Variants in DPYD observed in about 807,000 individuals in gnomAD.
DPYD encodes the protein dihydropyrimidine dehydrogenase.
Under a neutral mutation model 116.2 loss-of-function variants are expected in DPYD, and 109 were observed. The observed-to-expected ratio is 0.94, with a 90% CI of 0.80 to 1.10. The LOEUF (loss-of-function observed/expected upper bound fraction) is 1.10. Among genes scored for constraint, DPYD ranks in the 50% least tolerant of loss-of-function variants. The pLI, the probability that DPYD is intolerant of heterozygous loss-of-function variation, is 0.00. For missense variants in DPYD, 1,302 were observed against 1,254.5 expected (o/e 1.04, Z -0.57); for synonymous variants, 440 against 432.0 (o/e 1.02, Z -0.23).
At chr1:97,234,177 A>G (rs1281824850) in intron 19 of DPYD, among the ~76,000 whole-genome samples, 3 of 152,202 alleles carry the variant, frequency 2.0e-5, no homozygotes, top group African/African-American at 7.2e-5. Context: ...CAAAACCTGA[A>G]TGAGAAATTC....
At chr1:97,724,391 A>G (rs1663117888) in intron 4 of DPYD, among the ~76,000 whole-genome samples, 1 of 150,456 alleles carries the variant, frequency 6.6e-6, no homozygotes, top group African/African-American at 2.4e-5. Context: ...GGAAACTGGT[A>G]CACAATTAAG....
Position 97,098,600 on chromosome 1 carries a change from C to G in DPYD, c.2655G>C (p.Gln885His), listed in dbSNP as rs1239548224. 6.2e-7 allele frequency: 1 copy of G among 1,612,996 alleles called. No homozygotes were observed. Among genetic ancestry groups the G allele is most frequent in the Non-Finnish European group, 8.5e-7 (1 of 1,179,422 alleles). Residue 885 changes from glutamine (Q) to histidine (H), a missense_variant, in exon 21 of 23, where the codon CAG (glutamine) becomes CAC (histidine). Gln to His is a conservative substitution (Grantham distance 24). Coordinates refer to ENST00000370192, the MANE Select transcript of DPYD (RefSeq NM_000110.4). ...KLPSFGPYLE[Q>H]RKKIIAENKI... ...TGTTTTCTGCTATGATTTTCTTGCG[C>G]TGTTCCAGATAAGGTCCAAAACTTG...
At chr1:97,876,428 C>T (rs368679749) in intron 2 of DPYD, among the ~76,000 whole-genome samples, 2 of 151,942 alleles carry the variant, frequency 1.3e-5, no homozygotes, top group Admixed American at 6.6e-5. Flanking sequence ...TTTAGGATCA[C>T]GCAAGTAATG....
chr1:97,162,278 A>G (rs184855996), intron 20 of DPYD, among the ~76,000 whole-genome samples: 1 of 152,140 alleles, frequency 6.6e-6, no homozygotes, highest in African/African-American at 2.4e-5. Context: ...CTGGTGTGAG[A>G]TGGTATCTCA....
intron 18 of DPYD, among the ~76,000 whole-genome samples, chr1:97,280,592 C>G (rs1431724924): frequency 5.9e-5 from 9 of 152,116 alleles, no homozygotes; most frequent in Admixed American, 2.6e-4. Flanking sequence ...TTTGTGGCAA[C>G]ATGGATGAAC....
At chr1:97,727,214 T>A (rs1219648265) in intron 4 of DPYD, among the ~76,000 whole-genome samples, 2 of 151,714 alleles carry the variant, frequency 1.3e-5, no homozygotes, top group African/African-American at 4.8e-5. Flanking sequence ...TCAAAATGAT[T>A]CTGGCTGTGA....
chr1:97,208,287 CTCTT>C (rs761242119), intron 19 of DPYD, among the ~76,000 whole-genome samples: 106 of 139,048 alleles, frequency 7.6e-4, no homozygotes, highest in Non-Finnish European at 1.3e-3. Context: ...CTTTCTCTCT[CTCTT>C]TCTTTTTTTT....
chr1:97,543,860 T>C, intron 12 of DPYD, among the ~76,000 whole-genome samples: 1 of 152,096 alleles, frequency 6.6e-6, no homozygotes, highest in East Asian at 1.9e-4. Flanking sequence ...TAAGCAGGCT[T>C]CAAACAAGGA....
Position 97,203,793 on chromosome 1 carries a change from CAAAAAAAAAAAA to C in DPYD, c.2443-10557_2443-10546del, listed in dbSNP as rs56819543. Among the ~76,000 whole-genome samples, 130 of 65,706 alleles carry C rather than the reference CAAAAAAAAAAAA, an allele frequency of 2.0e-3. 1 individual carries two copies. Among genetic ancestry groups the C allele is most frequent in the Non-Finnish European group, 3.2e-3 (114 of 35,198 alleles). 43.1% of individuals were successfully genotyped at this position (65,706 alleles called of 152,430 possible). On this transcript the variant is annotated intron_variant, in intron 19 of 22. Transcript: ENST00000370192. The stretch of plus-strand genomic sequence containing the variant: ...AATAACTAAGCAGACATTCACATTC[CAAAAAAAAAAAA>C]AAAAAAAAAAAAAGAACAACTCACC...
At chr1:97,699,150 T>A (rs1225656514) in intron 6 of DPYD, among the ~76,000 whole-genome samples, 1 of 151,970 alleles carries the variant, frequency 6.6e-6, no homozygotes, top group Non-Finnish European at 1.5e-5. Context: ...AGAGAGAAAA[T>A]TTTTTAAATA....
chr1:97,172,273 G>T (rs1357482955), intron 20 of DPYD, among the ~76,000 whole-genome samples: 1 of 152,084 alleles, frequency 6.6e-6, no homozygotes, highest in African/African-American at 2.4e-5. Context: ...TGCTTCATAA[G>T]CTGATCAACA....
chr1:97,557,308 CTT>C (rs796245332), intron 11 of DPYD, among the ~76,000 whole-genome samples: 1 of 107,158 alleles, frequency 9.3e-6, no homozygotes, highest in Non-Finnish European at 1.9e-5. Flanking sequence ...TTTTTCTTTT[CTT>C]TTTTTTTTTT....
At chr1:97,340,090 A>G (rs1385451666) in intron 16 of DPYD, among the ~76,000 whole-genome samples, 2 of 152,172 alleles carry the variant, frequency 1.3e-5, no homozygotes, top group Non-Finnish European at 2.9e-5. Context: ...AGAGACTTTT[A>G]AAAAAGGAAA....
chr1:97,759,014 G>C (rs894018661), intron 3 of DPYD, among the ~76,000 whole-genome samples: 1 of 152,130 alleles, frequency 6.6e-6, no homozygotes, highest in African/African-American at 2.4e-5. Context: ...TACACAAAGT[G>C]TTGGGGCAAG....
At chr1:97,199,228 T>C (rs753281606) in intron 19 of DPYD, among the ~76,000 whole-genome samples, 1 of 152,182 alleles carries the variant, frequency 6.6e-6, no homozygotes, top group African/African-American at 2.4e-5. Flanking sequence ...GGGAGTAATA[T>C]TCTTACTTGT....
At chr1:97,296,291 T>C (rs1403872456) in intron 18 of DPYD, 2 of 152,178 alleles carry the variant, frequency 1.3e-5, no homozygotes, top group Admixed American at 1.3e-4. Context: ...AGTTGCTTAA[T>C]CACTTTTGGT....
chr1:97,220,794 T>G (rs1200861211), intron 19 of DPYD, among the ~76,000 whole-genome samples: 1 of 152,192 alleles, frequency 6.6e-6, no homozygotes, highest in East Asian at 1.9e-4. Context: ...TACTTAAGTT[T>G]TTGTACCCAA....
chr1:97,464,280 A>C (rs967957919), intron 13 of DPYD, among the ~76,000 whole-genome samples: 2 of 128,940 alleles, frequency 1.6e-5, no homozygotes, highest in Non-Finnish European at 3.5e-5. Context: ...AAATAAAATA[A>C]AATAAAGAAA....
At position 97,193,128 on chromosome 1, in the gene DPYD, C is replaced by T. The variant is rs757954074; in HGVS notation, c.2563G>A (p.Ala855Thr). 1 of 1,614,058 alleles carries T rather than the reference C, an allele frequency of 6.2e-7. No homozygotes were observed. The highest frequency in any genetic ancestry group is 8.5e-7 in the Non-Finnish European group (1 of 1,179,970). ...TTCCCTTTCTGGTGACTCACAGTAGCTGGACTCTGTCCATCCCAGTCTTGT... is the reference window on the plus strand; with the variant it reads ...TTCCCTTTCTGGTGACTCACAGTAGTTGGACTCTGTCCATCCCAGTCTTGT... ...ELQDWDGQSP[A>T]TVSHQKGKPV... Residue 855 changes from alanine to threonine, a missense_variant, in exon 20 of 23, where the codon GCT becomes ACT. By Grantham distance (58) the Ala-to-Thr change is moderately conservative (BLOSUM62 0). Transcript: ENST00000370192.
Sources: gnomAD v4.1 joint callset for allele counts (sites outside exome capture counted in the v4.1 genomes callset) on GRCh38, gnomAD v4.1.1 for gene constraint, MANE v1.5 for transcripts, NCBI Gene and HGNC (gene_info 2026-07-23, HGNC 2026-07-21) for gene names.